CNTN6: variants seen among roughly 807,000 people sequenced by gnomAD.
The protein encoded by CNTN6 is contactin-6.
A neutral mutation model predicts 122.8 loss-of-function variants in CNTN6; 137 were observed. The ratio of observed to expected loss-of-function variants is 1.12; its 90% confidence interval spans 0.97 to 1.29. The LOEUF (loss-of-function observed/expected upper bound fraction) is 1.29. CNTN6 is among the 50% of genes most tolerant of loss of function. The pLI is 0.00. For synonymous variants in CNTN6, 570 were observed against 426.0 expected (o/e 1.34, Z -4.16); for missense variants, 1,634 against 1,223.4 (o/e 1.34, Z -5.01).
At chr3:1,198,648 G>C (rs2093813541) in intron 2 of CNTN6, among the ~76,000 whole-genome samples, 1 of 152,002 alleles carries the variant, frequency 6.6e-6, no homozygotes, top group Admixed American at 6.6e-5. Context: ...CTTGAGCCCG[G>C]GAGATGGAGT....
chr3:1,333,498 A>C (rs1702613428), intron 11 of CNTN6, among the ~76,000 whole-genome samples: 1 of 152,116 alleles, frequency 6.6e-6, no homozygotes, highest in African/African-American at 2.4e-5. Context: ...GATATAGGAA[A>C]AAAGTTCAAA....
At chr3:1,386,321 C>A (rs1692925409) in intron 20 of CNTN6, among the ~76,000 whole-genome samples, 1 of 152,148 alleles carries the variant, frequency 6.6e-6, no homozygotes, top group African/African-American at 2.4e-5. Context: ...AACTGTCAGA[C>A]ACCTAGATCT....
chr3:1,132,048 T>C (rs544509466), intron 1 of CNTN6, among the ~76,000 whole-genome samples: 62 of 152,212 alleles, frequency 4.1e-4, no homozygotes, highest in African/African-American at 1.4e-3. Flanking sequence ...AGAAAAGATA[T>C]ATGTGCTTTT....
In CNTN6 at chr3:1,135,680, T is replaced by C. The variant is rs528333528; in HGVS notation, c.-82-12247T>C. 2.6e-5 allele frequency among the ~76,000 whole-genome samples: 4 copies of C among 152,274 alleles called. No homozygotes were observed. The South Asian group carries it at 8.3e-4, about 32-fold the overall frequency. On this transcript the variant is annotated intron_variant, in intron 1 of 22. Coordinates refer to ENST00000446702, the MANE Select transcript of CNTN6 (RefSeq NM_001289080.2). ...TCCTAGGTAGGTCAGAAAATTCACA[T>C]TGCTATGCATTATTAAAAAGAAGTT...
chr3:1,387,895 C>T (rs968770919), intron 20 of CNTN6, among the ~76,000 whole-genome samples: 47 of 152,274 alleles, frequency 3.1e-4, no homozygotes, highest in South Asian at 8.3e-4. Context: ...ATCCTGCACC[C>T]GGCTCGGAGG....
chr3:1,307,517 A>G (rs1698556236), intron 7 of CNTN6, among the ~76,000 whole-genome samples: 1 of 152,128 alleles, frequency 6.6e-6, no homozygotes, highest in South Asian at 2.1e-4. Flanking sequence ...TTACGTTATT[A>G]TGATGCATTT....
chr3:1,376,227 A>T (rs1453925812), intron 16 of CNTN6, among the ~76,000 whole-genome samples: 1 of 152,136 alleles, frequency 6.6e-6, no homozygotes, highest in African/African-American at 2.4e-5. Context: ...AGGCACTACA[A>T]TACCATATAC....
intron 5 of CNTN6, among the ~76,000 whole-genome samples, chr3:1,286,205 T>C (rs1224314643): frequency 1.3e-5 from 2 of 152,194 alleles, no homozygotes; most frequent in East Asian, 1.9e-4. Context: ...TTTTTCTCTT[T>C]TTATTATCAT....
At chr3:1,186,308 A>G (rs946700262) in intron 2 of CNTN6, among the ~76,000 whole-genome samples, 1 of 152,178 alleles carries the variant, frequency 6.6e-6, no homozygotes, top group Non-Finnish European at 1.5e-5. Context: ...GAAATCTTTC[A>G]TATCTTCAGA....
intron 19 of CNTN6, among the ~76,000 whole-genome samples, 193 bp from the exon 20 acceptor site, chr3:1,385,418 C>CT (rs1362935064): frequency 6.6e-6 from 1 of 152,138 alleles, no homozygotes; most frequent in Non-Finnish European, 1.5e-5. Context: ...GCATTCATGA[C>CT]TTTTTTCCTC....
At chr3:1,185,339 A>T (rs969736035) in intron 2 of CNTN6, among the ~76,000 whole-genome samples, 4 of 152,176 alleles carry the variant, frequency 2.6e-5, no homozygotes, top group African/African-American at 9.7e-5. Context: ...TTATTTAAAA[A>T]AGATGTTTCT....
At chr3:1,398,274 T>C (rs558504736) in intron 20 of CNTN6, among the ~76,000 whole-genome samples, 6 of 152,304 alleles carry the variant, frequency 3.9e-5, no homozygotes, top group Admixed American at 2.6e-4. Context: ...GGTGATGGCC[T>C]TCTAAAGCAG....
At chr3:1,221,507 A>G (rs550363353) in intron 3 of CNTN6, among the ~76,000 whole-genome samples, 2 of 152,298 alleles carry the variant, frequency 1.3e-5, no homozygotes, top group Admixed American at 1.3e-4. Context: ...TGTTGAAGAC[A>G]GCTATGTACC....
chr3:1,241,964 C>T (rs1426505621), intron 4 of CNTN6, among the ~76,000 whole-genome samples: 2 of 150,276 alleles, frequency 1.3e-5, no homozygotes, highest in Non-Finnish European at 3.0e-5. Context: ...GGGTGTGGTC[C>T]TGGCTCTTGT....
Position 1,220,683 on chromosome 3 carries a change from C to A in CNTN6, c.56-4C>A. 3 of 1,597,830 alleles carry A rather than the reference C, an allele frequency of 1.9e-6. No individual in the cohort carries two copies. The highest frequency in any genetic ancestry group is 2.6e-6 in the Non-Finnish European group (3 of 1,174,214). On this transcript the variant is annotated splice_region_variant and splice_polypyrimidine_tract_variant and intron_variant, in intron 2 of 22. Transcript: ENST00000446702. ...TCATGTGATTTATTCTTTTCTTTTC[C>A]CAGGTGATGGTCTTTTAAGCCGTCC... is the stretch of plus-strand genomic sequence containing the variant.
At chr3:1,159,924 A>G (rs1055455356) in intron 2 of CNTN6, among the ~76,000 whole-genome samples, 4 of 151,892 alleles carry the variant, frequency 2.6e-5, no homozygotes, top group Non-Finnish European at 5.9e-5. Flanking sequence ...AGGTTCAAGC[A>G]ATTCTCCTGC....
chr3:1,316,592 G>C (rs1700128528), intron 7 of CNTN6, among the ~76,000 whole-genome samples: 1 of 151,684 alleles, frequency 6.6e-6, no homozygotes, highest in African/African-American at 2.4e-5. Context: ...ATGAGATTTG[G>C]GCAGGGACAC....
At chr3:1,216,731 A>G (rs1465568251) in intron 2 of CNTN6, among the ~76,000 whole-genome samples, 1 of 152,228 alleles carries the variant, frequency 6.6e-6, no homozygotes, top group Non-Finnish European at 1.5e-5. Flanking sequence ...GTCACTGAGG[A>G]AAGGTGCCTA....
intron 16 of CNTN6, among the ~76,000 whole-genome samples, chr3:1,375,999 A>G (rs1709804997): frequency 6.6e-6 from 1 of 152,080 alleles, no homozygotes; most frequent in Non-Finnish European, 1.5e-5. Flanking sequence ...ATCCCTGCCT[A>G]CCAATCCCCA....
Sources: gnomAD v4.1 joint callset for allele counts (sites outside exome capture counted in the v4.1 genomes callset) on GRCh38, gnomAD v4.1.1 for gene constraint, MANE v1.5 for transcripts, NCBI Gene and HGNC (gene_info 2026-07-23, HGNC 2026-07-21) for gene names.